TLL2: variants seen among roughly 807,000 people sequenced by gnomAD.
TLL2 encodes tolloid like 2.
In TLL2, 106 loss-of-function variants were observed where a neutral mutation model predicts 123.0. The observed-to-expected ratio is 0.86, with a 90% confidence interval of 0.74 to 1.01. The LOEUF is 1.01. Among genes scored for constraint, TLL2 ranks in the 50% least tolerant of loss-of-function variants. The pLI is 0.00. For missense variants in TLL2, 1,332 were observed against 1,336.7 expected (o/e 1.00, Z 0.06); for synonymous variants, 494 against 516.8 (o/e 0.96, Z 0.60).
At chr10:96,398,584 C>T (rs761365723) in intron 10 of TLL2, among the ~76,000 whole-genome samples, 2 of 152,180 alleles carry the variant, frequency 1.3e-5, no homozygotes, top group Non-Finnish European at 2.9e-5. Context: ...AAATCTGGAG[C>T]CTCCACAGAG....
rs544697332 is a variant in TLL2, at chr10:96,463,403, G to A, written c.286+16946C>T. ...CATCAGCAGCAGGTAGTCAGGTATC[G>A]GGAAGGACCTGAAGCTGGGGCTCAT... is the stretch of plus-strand genomic sequence containing the variant. On this transcript the variant is annotated intron_variant, in intron 2 of 20. Coordinates refer to ENST00000357947, the MANE Select transcript of TLL2 (RefSeq NM_012465.4). Among the ~76,000 whole-genome samples the A allele has an allele frequency of 2.3e-4, 35 of 151,000 alleles. 1 individual carries two copies. The highest frequency in any genetic ancestry group is 7.2e-4 in the African/African-American group (29 of 40,322).
intron 1 of TLL2, among the ~76,000 whole-genome samples, chr10:96,486,568 G>A (rs949046859): frequency 6.6e-6 from 1 of 151,950 alleles, no homozygotes; most frequent in African/African-American, 2.4e-5. Flanking sequence ...ACACTCGGGG[G>A]TTTTGTACAC....
intron 7 of TLL2, among the ~76,000 whole-genome samples, chr10:96,417,372 C>T (rs923530249): frequency 6.6e-6 from 1 of 152,230 alleles, no homozygotes; most frequent in Non-Finnish European, 1.5e-5. Flanking sequence ...TGCAACAAAA[C>T]AGATTTGCTG....
At chr10:96,368,558 T>C (rs1006438284) in intron 20 of TLL2, among the ~76,000 whole-genome samples, 3 of 152,204 alleles carry the variant, frequency 2.0e-5, no homozygotes, top group Admixed American at 2.0e-4. Context: ...ACTATCCCCA[T>C]TTTTCACTTC....
intron 13 of TLL2, among the ~76,000 whole-genome samples, chr10:96,394,571 C>G (rs1846319481): frequency 6.6e-6 from 1 of 152,196 alleles, no homozygotes; most frequent in Admixed American, 6.5e-5. Flanking sequence ...CTCCTCCCAA[C>G]CCCGATCATG....
At position 96,502,418 on chromosome 10, in the gene TLL2, C is replaced by T. The variant is rs765063477; in HGVS notation, c.175+11093G>A. Among the ~76,000 whole-genome samples the T allele has an allele frequency of 1.6e-3, 240 of 152,220 alleles. 2 individuals carry two copies. The highest frequency in any genetic ancestry group is 3.0e-3 in the Non-Finnish European group (201 of 68,042). Reference sequence around the variant, plus strand: ...AGCGTCAAGGAGGCCAGTTCAGCCACTACTGCAGCAGCCCAGGTGTGAGCT... The same window carrying T: ...AGCGTCAAGGAGGCCAGTTCAGCCATTACTGCAGCAGCCCAGGTGTGAGCT... On this transcript the variant is annotated intron_variant, in intron 1 of 20. Transcript: ENST00000357947.
chr10:96,498,561 T>C (rs1007095217), intron 1 of TLL2, among the ~76,000 whole-genome samples: 1 of 152,210 alleles, frequency 6.6e-6, no homozygotes, highest in Non-Finnish European at 1.5e-5. Context: ...CCTTCTTCCA[T>C]TTTAAGAGAA....
chr10:96,413,611 C>T (rs1203816864), intron 7 of TLL2, among the ~76,000 whole-genome samples: 2 of 152,180 alleles, frequency 1.3e-5, no homozygotes, highest in African/African-American at 4.8e-5. Context: ...TGAGCATTTT[C>T]ATGAAGCCCT....
intron 3 of TLL2, among the ~76,000 whole-genome samples, chr10:96,438,004 C>T (rs1013302580): frequency 3.3e-5 from 5 of 152,184 alleles, no homozygotes; most frequent in Non-Finnish European, 7.3e-5. Flanking sequence ...CAATGCCATA[C>T]CATCTTGATT....
At chr10:96,476,805 A>C (rs1847257805) in intron 2 of TLL2, among the ~76,000 whole-genome samples, 1 of 151,882 alleles carries the variant, frequency 6.6e-6, no homozygotes, top group East Asian at 1.9e-4. Context: ...TTAAGTAAAA[A>C]ATTCAGACAA....
chr10:96,449,887 GAGT>G (rs1344974115), intron 2 of TLL2, among the ~76,000 whole-genome samples: 1 of 151,894 alleles, frequency 6.6e-6, no homozygotes, highest in Non-Finnish European at 1.5e-5. Context: ...CACTTCCTCT[GAGT>G]ATCCGCCCCC....
chr10:96,381,742 G>C (rs1846188514), intron 16 of TLL2, among the ~76,000 whole-genome samples: 1 of 152,134 alleles, frequency 6.6e-6, no homozygotes, highest in Non-Finnish European at 1.5e-5. Context: ...ATGTAAGCTT[G>C]TCCAGGGTTG....
chr10:96,370,441 A>G, intron 19 of TLL2, 126 bp from the exon 20 acceptor site: 1 of 1,318,456 alleles, frequency 7.6e-7, no homozygotes. Context: ...TAGTCTCGTC[A>G]CCCCATTTGA....
In TLL2 at chr10:96,497,451, T is replaced by C. The variant is rs143288203; in HGVS notation, c.175+16060A>G. ...GCTCTGTGTCCAGGAAGCGTGCTTC[T>C]GTGGACGGCATCCTCCAGTTTCCCC... On this transcript the variant is annotated intron_variant, in intron 1 of 20. Coordinates refer to ENST00000357947, the MANE Select transcript of TLL2 (RefSeq NM_012465.4). Among the ~76,000 whole-genome samples the C allele has an allele frequency of 2.6e-3, 403 of 152,340 alleles. 1 individual carries two copies. The highest frequency in any genetic ancestry group is 0.014 in the Middle Eastern group (4 of 294).
chr10:96,415,284 C>T (rs982480919), intron 7 of TLL2, among the ~76,000 whole-genome samples: 7 of 152,208 alleles, frequency 4.6e-5, no homozygotes, highest in Non-Finnish European at 1.0e-4. Context: ...ATGCTATCCG[C>T]TCCCTAGGCT....
chr10:96,374,285 T>G (rs752542398), intron 18 of TLL2: 37 of 182,972 alleles, frequency 2.0e-4, no homozygotes, highest in Non-Finnish European at 2.2e-4. Context: ...ACCCCTGTGA[T>G]GTGTCTAATC....
intron 3 of TLL2, among the ~76,000 whole-genome samples, chr10:96,434,706 G>A (rs1846776250): frequency 6.6e-6 from 1 of 152,050 alleles, no homozygotes; most frequent in South Asian, 2.1e-4. Context: ...ACATGCCTGG[G>A]GTGGAATTGC....
Position 96,513,593 on chromosome 10 carries a change from G to A in TLL2, c.93C>T (p.Asp31=). The change falls in exon 1 of 21, where the codon GAC becomes GAT. Residue 31 remains aspartate, a synonymous_variant. Transcript: ENST00000357947. ...CCAGCTCTGAGTAGTCTGCGGTGGCGTCCGGGCGCTCCCCGAGTCCCCCGG... is the reference window on the plus strand; with the variant it reads ...CCAGCTCTGAGTAGTCTGCGGTGGCATCCGGGCGCTCCCCGAGTCCCCCGG... ...RGAGGLGERP[D]ATADYSELDG... 5.0e-6 allele frequency: 8 copies of A among 1,606,514 alleles called. No individual in the cohort carries two copies. Among genetic ancestry groups the A allele is most frequent in the Non-Finnish European group, 6.8e-6 (8 of 1,179,058 alleles).
At chr10:96,415,767 G>GTCTCTCTCTCTGTCTCTCTCTCTC in intron 7 of TLL2, among the ~76,000 whole-genome samples, 1 of 42,956 alleles carries the variant, frequency 2.3e-5, no homozygotes, top group Admixed American at 2.9e-4. Context: ...CTCTCTCTCT[G>GTCTCTCTCTCTGTCTCTCTCTCTC]TCTCTCTCAA....
Sources: gnomAD v4.1 joint callset for allele counts (sites outside exome capture counted in the v4.1 genomes callset) on GRCh38, gnomAD v4.1.1 for gene constraint, MANE v1.5 for transcripts, NCBI Gene and HGNC (gene_info 2026-07-23, HGNC 2026-07-21) for gene names.